Variants in PPIP5K2 observed in about 807,000 individuals in gnomAD.
The protein encoded by PPIP5K2 is diphosphoinositol pentakisphosphate kinase 2, also known as inositol hexakisphosphate and diphosphoinositol-pentakisphosphate kinase 2.
PPIP5K2 carries 105 observed loss-of-function variants against 154.6 expected under a neutral mutation model. The ratio of observed to expected loss-of-function variants is 0.68; its 90% CI spans 0.58 to 0.80. The LOEUF is 0.80. Ranked by LOEUF, PPIP5K2 falls within the 30% of genes least tolerant of loss-of-function variation. The pLI is 0.00. For missense variants in PPIP5K2, 992 were observed against 1,504.6 expected (o/e 0.66, Z 5.64); for synonymous variants, 480 against 490.3 (o/e 0.98, Z 0.28).
At chr5:103,130,987 C>A (rs1391182226) in intron 2 of PPIP5K2, among the ~76,000 whole-genome samples, 1 of 152,096 alleles carries the variant, frequency 6.6e-6, no homozygotes, top group Non-Finnish European at 1.5e-5. Context: ...TCATACCATG[C>A]GTCTTTGCTA....
chr5:103,187,213 A>G, intron 27 of PPIP5K2, 101 bp from the exon 28 acceptor site: 2 of 826,778 alleles, frequency 2.4e-6, no homozygotes, highest in Non-Finnish European at 1.9e-6. Context: ...TCTGCATGTC[A>G]CCTTTCTAAC....
rs781944031 is a variant in PPIP5K2, at chr5:103,186,328, T to A, written c.3178T>A (p.Cys1060Ser). ...QKQNPTVGSH[C>S]AGLFSTSVLG... ...TCTCTAACTCCCATCAGGGTCTCAC[T>A]GTGCGGGCCTGTTTAGCACCTCGGT... Residue 1060 changes from cysteine to serine, a missense_variant, in exon 27 of 31, where the codon TGT becomes AGT. Cys to Ser is a moderately radical substitution (Grantham distance 112, BLOSUM62 -1). Coordinates refer to ENST00000358359, the MANE Select transcript of PPIP5K2 (RefSeq NM_001276277.3). The A allele has an allele frequency of 6.2e-7, 1 of 1,613,782 alleles. No individual in the cohort carries two copies. Among genetic ancestry groups the A allele is most frequent in the East Asian group, 2.2e-5 (1 of 44,850 alleles).
chr5:103,140,238 A>C (rs1554205956), intron 5 of PPIP5K2, among the ~76,000 whole-genome samples: 1 of 152,182 alleles, frequency 6.6e-6, no homozygotes, highest in Non-Finnish European at 1.5e-5. Context: ...CATGGTAGAA[A>C]GTTTATTGAA....
intron 5 of PPIP5K2, among the ~76,000 whole-genome samples, chr5:103,138,851 T>G (rs1792040407): frequency 6.6e-6 from 1 of 152,232 alleles, no homozygotes; most frequent in South Asian, 2.1e-4. Flanking sequence ...GCCAAGAATT[T>G]GGAAATACAG....
rs1180140063 is a variant in PPIP5K2, at chr5:103,205,058, A to T, written c.*3424A>T. 2.6e-5 allele frequency: 4 copies of T among 151,970 alleles called. No individual in the cohort carries two copies. Among genetic ancestry groups the T allele is most frequent in the Non-Finnish European group, 5.9e-5 (4 of 67,994 alleles). 9.4% of individuals were successfully genotyped at this position (151,970 alleles called of 1,614,324 possible). ...TGTGATGTTCCCCGCCCTGTGTCCA[A>T]GTACTGTTCTCATTGTTCAGTTCCC... is the stretch of plus-strand genomic sequence containing the variant. On this transcript the variant is annotated 3_prime_UTR_variant, in exon 31 of 31. Transcript: ENST00000358359.
chr5:103,197,820 C>A (rs760600769), intron 30 of PPIP5K2, among the ~76,000 whole-genome samples: 8 of 151,744 alleles, frequency 5.3e-5, no homozygotes, highest in African/African-American at 1.9e-4. Context: ...TCAGGTGATT[C>A]GCCTGCCTCA....
At chr5:103,164,468 T>C (rs925297058) in intron 17 of PPIP5K2, among the ~76,000 whole-genome samples, 6 of 152,094 alleles carry the variant, frequency 3.9e-5, no homozygotes, top group Non-Finnish European at 7.4e-5. Context: ...GTTATTAATG[T>C]TCTGTCTTTT....
chr5:103,187,648 C>A (rs2149786430), intron 28 of PPIP5K2, among the ~76,000 whole-genome samples: 1 of 152,190 alleles, frequency 6.6e-6, no homozygotes, highest in East Asian at 1.9e-4. Flanking sequence ...CTGAAAATTT[C>A]ATCTAATTTC....
At chr5:103,149,418 A>G (rs1794253569) in intron 8 of PPIP5K2, 105 bp downstream of exon 8, 1 of 1,039,944 alleles carries the variant, frequency 9.6e-7, no homozygotes. Flanking sequence ...AAACCGAGAA[A>G]GTAATTAATA....
chr5:103,141,983 C>T (rs752574366), intron 5 of PPIP5K2, among the ~76,000 whole-genome samples: 3 of 152,240 alleles, frequency 2.0e-5, no homozygotes, highest in African/African-American at 4.8e-5. Context: ...CAGTGGATCC[C>T]GCACCAGGGC....
intron 17 of PPIP5K2, among the ~76,000 whole-genome samples, chr5:103,164,050 G>C (rs781809865): frequency 6.6e-6 from 1 of 152,034 alleles, no homozygotes; most frequent in African/African-American, 2.4e-5. Context: ...CTAGTAAATA[G>C]TATGGTAAAT....
At chr5:103,189,077 T>C (rs1800826704) in intron 28 of PPIP5K2, 1 of 957,798 alleles carries the variant, frequency 1.0e-6, no homozygotes, top group Admixed American at 2.4e-5. Context: ...TATCATGGAC[T>C]TACCCCTCCC....
rs1455793206 is a variant in PPIP5K2 at position 103,146,572 on chromosome 5, A to C, written c.533A>C (p.Glu178Ala). 1 of 1,611,894 alleles carries C rather than the reference A, an allele frequency of 6.2e-7. No individual in the cohort carries two copies. The highest frequency in any genetic ancestry group is 2.2e-5 in the East Asian group (1 of 44,776). The change falls in exon 6 of 31, where the codon GAA becomes GCA. Residue 178 changes from glutamate to alanine, a missense_variant. Physicochemically the swap from Glu to Ala is moderately radical, Grantham distance 107 (BLOSUM62 -1). Around this residue, in one of 9 missense-constraint regions of PPIP5K2, gnomAD observed 51 missense variants for 152.2 expected, o/e 0.33. Transcript: ENST00000358359. ...GAAGATCATGTAGAAGTAAATGGGGAAGTTTTTCAAAAGCCATTTGTAGAA... is the reference window on the plus strand; with the variant it reads ...GAAGATCATGTAGAAGTAAATGGGGCAGTTTTTCAAAAGCCATTTGTAGAA... ...EGEDHVEVNG[E>A]VFQKPFVEKP...
chr5:103,167,745 C>T (rs533663066), intron 18 of PPIP5K2, among the ~76,000 whole-genome samples: 1 of 151,854 alleles, frequency 6.6e-6, no homozygotes, highest in South Asian at 2.1e-4. Context: ...GCTAGTCTGC[C>T]TATTCACTTA....
chr5:103,186,246 T>C (rs1580419289), intron 26 of PPIP5K2, 74 bp from the exon 27 acceptor site: 1 of 1,590,062 alleles, frequency 6.3e-7, no homozygotes, highest in Non-Finnish European at 8.6e-7. Context: ...GCCATGTTAA[T>C]TGCATGCTGC....
At chr5:103,150,532 G>A (rs1337878632) in intron 8 of PPIP5K2, among the ~76,000 whole-genome samples, 2 of 152,172 alleles carry the variant, frequency 1.3e-5, no homozygotes, top group Non-Finnish European at 2.9e-5. Context: ...CAGCACTTTG[G>A]GGGTGCTGAG....
At chr5:103,138,730 A>C (rs1792021555) in intron 5 of PPIP5K2, among the ~76,000 whole-genome samples, 1 of 152,240 alleles carries the variant, frequency 6.6e-6, no homozygotes, top group Admixed American at 6.5e-5. Flanking sequence ...TAGAATTTTG[A>C]AATTACATAC....
intron 17 of PPIP5K2, among the ~76,000 whole-genome samples, chr5:103,164,834 T>C (rs1796892556): frequency 6.6e-6 from 1 of 152,106 alleles, no homozygotes; most frequent in Admixed American, 6.6e-5. Context: ...AAGCTAAATG[T>C]CAAAACTGGA....
At chr5:103,177,565 A>T in intron 21 of PPIP5K2, 102 bp from the exon 22 acceptor site, 1 of 678,326 alleles carries the variant, frequency 1.5e-6, no homozygotes, top group South Asian at 2.0e-5. Flanking sequence ...TATTCACTTT[A>T]TGTGGTATCA....
Sources: gnomAD v4.1 joint callset for allele counts (sites outside exome capture counted in the v4.1 genomes callset) on GRCh38, gnomAD v4.1.1 for gene constraint, gnomAD v4.1.1 regional missense constraint, MANE v1.5 for transcripts, NCBI Gene and HGNC (gene_info 2026-07-23, HGNC 2026-07-21) for gene names.